TMEM117: variants seen among roughly 807,000 people sequenced by gnomAD.
TMEM117 encodes transmembrane protein 117.
A neutral mutation model predicts 52.4 loss-of-function variants in TMEM117; 27 were observed. The observed-to-expected ratio is 0.51, with a 90% CI of 0.38 to 0.71. The LOEUF (loss-of-function observed/expected upper bound fraction) is 0.71. Ranked by LOEUF, TMEM117 falls within the 30% of genes least tolerant of loss-of-function variation. The pLI is 0.00. For synonymous variants in TMEM117, 215 were observed against 206.3 expected, an observed-to-expected ratio of 1.04 and a Z score of -0.36; for missense variants, 556 against 630.5, an observed-to-expected ratio of 0.88 and a Z score of 1.26.
chr12:44,163,245 T>A (rs960549245), intron 4 of TMEM117, among the ~76,000 whole-genome samples: 1 of 152,238 alleles, frequency 6.6e-6, no homozygotes, highest in African/African-American at 2.4e-5. Flanking sequence ...ACTGCATTAT[T>A]TTTAAATTGC....
chr12:44,071,515 T>C (rs80019363), intron 3 of TMEM117, among the ~76,000 whole-genome samples: 3,777 of 152,348 alleles, frequency 0.025, 99 homozygotes, highest in African/African-American at 0.066. Context: ...GTGTGAAAGA[T>C]GTGACTATTT....
intron 3 of TMEM117, among the ~76,000 whole-genome samples, chr12:44,130,001 G>A (rs941784516): frequency 3.3e-5 from 5 of 151,904 alleles, no homozygotes; most frequent in East Asian, 3.9e-4. Context: ...AGGAATCTTC[G>A]TTCTTCTACT....
intron 2 of TMEM117, among the ~76,000 whole-genome samples, chr12:43,913,410 A>G (rs933562074): frequency 1.3e-5 from 2 of 152,190 alleles, no homozygotes; most frequent in African/African-American, 4.8e-5. Flanking sequence ...ATATATTCAT[A>G]TAGATTAATA....
the TMEM117 span, among the ~76,000 whole-genome samples, chr12:43,829,362 C>T: frequency 6.6e-6 from 1 of 152,140 alleles, no homozygotes; most frequent in Non-Finnish European, 1.5e-5. Context: ...ATGATGAGTA[C>T]CCTAAGGAAA....
intron 5 of TMEM117, among the ~76,000 whole-genome samples, chr12:44,279,140 A>G (rs1386167356): frequency 6.6e-6 from 1 of 152,242 alleles, no homozygotes; most frequent in Non-Finnish European, 1.5e-5. Flanking sequence ...TTAATAAGGA[A>G]ATGATAAAGT....
intron 4 of TMEM117, among the ~76,000 whole-genome samples, chr12:44,169,788 GA>G (rs1299710908): frequency 5.3e-5 from 8 of 152,068 alleles, no homozygotes; most frequent in Non-Finnish European, 1.2e-4. Flanking sequence ...AAAAAGTCAG[GA>G]AACAACAGGT....
intron 3 of TMEM117, among the ~76,000 whole-genome samples, chr12:44,076,508 G>A (rs955500818): frequency 1.3e-5 from 2 of 152,098 alleles, no homozygotes; most frequent in African/African-American, 4.8e-5. Context: ...TGTTAGAAAG[G>A]TTTTCATATC....
At chr12:44,245,905 A>G (rs1260629569) in intron 5 of TMEM117, among the ~76,000 whole-genome samples, 3 of 152,148 alleles carry the variant, frequency 2.0e-5, no homozygotes, top group Non-Finnish European at 4.4e-5. Context: ...TACATTTTAT[A>G]TACAATGTAC....
chr12:44,347,705 A>G (rs1951507090), intron 6 of TMEM117, among the ~76,000 whole-genome samples: 1 of 152,046 alleles, frequency 6.6e-6, no homozygotes, highest in Non-Finnish European at 1.5e-5. Flanking sequence ...TTTTCTTACA[A>G]CAGTTAGTAA....
intron 2 of TMEM117, among the ~76,000 whole-genome samples, chr12:43,893,628 A>G (rs909016026): frequency 5.9e-5 from 9 of 152,072 alleles, no homozygotes; most frequent in African/African-American, 2.2e-4. Flanking sequence ...TCCTTTAGCC[A>G]TTTTTTCCAT....
At chr12:44,000,454 C>A (rs1036204362) in intron 3 of TMEM117, among the ~76,000 whole-genome samples, 9 of 152,284 alleles carry the variant, frequency 5.9e-5, no homozygotes, top group African/African-American at 1.9e-4. Flanking sequence ...CTCCAGAGGC[C>A]TCTCTGGGTC....
chr12:43,982,696 T>G (rs1417757463), intron 3 of TMEM117, among the ~76,000 whole-genome samples: 2 of 152,146 alleles, frequency 1.3e-5, no homozygotes, highest in Non-Finnish European at 2.9e-5. Context: ...ACAGAACAAA[T>G]TCCTCAGTCA....
intron 4 of TMEM117, among the ~76,000 whole-genome samples, chr12:44,178,219 T>A (rs78289996): frequency 6.6e-6 from 1 of 152,338 alleles, no homozygotes; most frequent in East Asian, 1.9e-4. Flanking sequence ...GATAATCACA[T>A]CAATTTATTG....
intron 6 of TMEM117, among the ~76,000 whole-genome samples, chr12:44,354,059 A>G (rs1321769528): frequency 6.6e-6 from 1 of 152,140 alleles, no homozygotes; most frequent in Non-Finnish European, 1.5e-5. Context: ...CTTTGAAGCA[A>G]TTGTGAATGA....
At chr12:44,284,368 C>T (rs941266377) in intron 5 of TMEM117, among the ~76,000 whole-genome samples, 1 of 152,128 alleles carries the variant, frequency 6.6e-6, no homozygotes, top group Non-Finnish European at 1.5e-5. Flanking sequence ...TGAAGCCTCC[C>T]CAGCCACGTG....
chr12:43,802,483 A>C, the TMEM117 span: 5 of 1,582,114 alleles, frequency 3.2e-6, no homozygotes, highest in Admixed American at 8.8e-5. Context: ...AATTATTTTT[A>C]GAAAGATAGG....
chr12:43,983,664 A>G (rs1350520540), intron 3 of TMEM117, among the ~76,000 whole-genome samples: 3 of 151,282 alleles, frequency 2.0e-5, no homozygotes, highest in Non-Finnish European at 4.4e-5. Context: ...AGTAACAAAG[A>G]GTAGTGTGAA....
chr12:43,904,886 G>A (rs1344389718), intron 2 of TMEM117, among the ~76,000 whole-genome samples: 1 of 152,214 alleles, frequency 6.6e-6, no homozygotes, highest in Non-Finnish European at 1.5e-5. Flanking sequence ...GCTCACGCCT[G>A]TAATCCCAGC....
chr12:43,968,634 G>A (rs1945523842), intron 3 of TMEM117, among the ~76,000 whole-genome samples: 1 of 152,076 alleles, frequency 6.6e-6, no homozygotes, highest in Admixed American at 6.5e-5. Flanking sequence ...AGCTGCTGAA[G>A]GAAGATTAAG....
Sources: gnomAD v4.1 joint callset for allele counts (sites outside exome capture counted in the v4.1 genomes callset) on GRCh38, gnomAD v4.1.1 for gene constraint, MANE v1.5 for transcripts, NCBI Gene and HGNC (gene_info 2026-07-23, HGNC 2026-07-21) for gene names.